Variants in DPYSL3 observed in about 807,000 individuals in gnomAD.
The protein encoded by DPYSL3 is dihydropyrimidinase like 3.
Under a neutral mutation model 66.1 loss-of-function variants are expected in DPYSL3, and 16 were observed. The observed-to-expected ratio is 0.24, with a 90% CI of 0.16 to 0.37. The LOEUF (loss-of-function observed/expected upper bound fraction) is 0.37. Ranked by LOEUF, DPYSL3 falls within the 10% of genes least tolerant of loss-of-function variation. The probability of loss-of-function intolerance (pLI) is 1.00; values close to 1 mark genes in which losing one functional copy is unlikely to be tolerated. For missense variants in DPYSL3, 738 were observed against 916.2 expected (o/e 0.81, Z 2.51); for synonymous variants, 338 against 345.1 (o/e 0.98, Z 0.23).
chr5:147,498,288 A>ATAG (rs1753551861), intron 1 of DPYSL3, among the ~76,000 whole-genome samples: 1 of 152,128 alleles, frequency 6.6e-6, no homozygotes, highest in African/African-American at 2.4e-5. Context: ...TTATGGCTGC[A>ATAG]TAGTATTCCA....
chr5:147,425,923 T>A (rs1269418709), intron 1 of DPYSL3, among the ~76,000 whole-genome samples: 1 of 151,958 alleles, frequency 6.6e-6, no homozygotes, highest in African/African-American at 2.4e-5. Context: ...TCTGGCTGAG[T>A]GTAGCTACAG....
At chr5:147,396,069 C>G (rs538803712) in intron 12 of DPYSL3, among the ~76,000 whole-genome samples, 2 of 152,176 alleles carry the variant, frequency 1.3e-5, no homozygotes, top group Admixed American at 6.5e-5. Context: ...CAAGGGCAGA[C>G]AGCTGAAGTG....
At chr5:147,501,117 A>G (rs796373807) in intron 1 of DPYSL3, among the ~76,000 whole-genome samples, 61 of 152,348 alleles carry the variant, frequency 4.0e-4, no homozygotes, top group African/African-American at 1.4e-3. Context: ...CGCACATCCA[A>G]ATATTCAGCA....
chr5:147,425,635 T>G (rs1752180619), intron 1 of DPYSL3, among the ~76,000 whole-genome samples: 1 of 152,232 alleles, frequency 6.6e-6, no homozygotes. Flanking sequence ...CTGAGTGCAT[T>G]TCTTTATTGC....
intron 1 of DPYSL3, among the ~76,000 whole-genome samples, chr5:147,474,176 C>T (rs1181479164): frequency 6.6e-6 from 1 of 151,968 alleles, no homozygotes; most frequent in Non-Finnish European, 1.5e-5. Flanking sequence ...ACAATGGTGG[C>T]TAGTAAGTAC....
chr5:147,455,464 TA>T (rs1323585844), intron 1 of DPYSL3, among the ~76,000 whole-genome samples: 4 of 152,192 alleles, frequency 2.6e-5, no homozygotes, highest in African/African-American at 9.7e-5. Context: ...CAAGGGGGAA[TA>T]AAAAGACTGG....
At chr5:147,470,555 T>G (rs1215173058) in intron 1 of DPYSL3, among the ~76,000 whole-genome samples, 1 of 152,130 alleles carries the variant, frequency 6.6e-6, no homozygotes, top group Non-Finnish European at 1.5e-5. Context: ...TCTCCAATCA[T>G]TCCTCAGTAT....
At chr5:147,411,404 G>A (rs564091235) in intron 6 of DPYSL3, among the ~76,000 whole-genome samples, 1 of 152,240 alleles carries the variant, frequency 6.6e-6, no homozygotes, top group Non-Finnish European at 1.5e-5. Flanking sequence ...GGCTTGGGAG[G>A]CAAGGGATCC....
At position 147,412,706 on chromosome 5, in the gene DPYSL3, CT is replaced by C; in HGVS notation, c.883-19del. ...TCATAGAGCTGAAATAGAAATGAGT[CT>C]TTGTCACTCTTGCAAGCACTTTTAG... On this transcript the variant is annotated intron_variant, in intron 5 of 13. Transcript: ENST00000343218. The C allele has an allele frequency of 6.2e-7, 1 of 1,600,870 alleles. No individual in the cohort carries two copies. Among genetic ancestry groups the C allele is most frequent in the Non-Finnish European group, 8.5e-7 (1 of 1,172,156 alleles).
At chr5:147,433,491 T>C (rs1752353577) in intron 1 of DPYSL3, among the ~76,000 whole-genome samples, 1 of 152,138 alleles carries the variant, frequency 6.6e-6, no homozygotes, top group African/African-American at 2.4e-5. Flanking sequence ...TTTTTGAAGC[T>C]ACCCCCAGAA....
rs114527511 is a variant in DPYSL3 at position 147,460,854 on chromosome 5, C to T, written c.382-35891G>A. ...TTCATCAGTAGGAAGGACCCTGCAA[C>T]GCCATGCCTAAGGTACAAGGTAATC... On this transcript the variant is annotated intron_variant, in intron 1 of 13. Transcript: ENST00000343218. Among the ~76,000 whole-genome samples the T allele has an allele frequency of 1.9e-3, 284 of 152,274 alleles. 2 individuals carry two copies. Among genetic ancestry groups the T allele is most frequent in the African/African-American group, 6.6e-3 (275 of 41,556 alleles).
chr5:147,481,232 T>C (rs1753238538), intron 1 of DPYSL3, among the ~76,000 whole-genome samples: 2 of 152,200 alleles, frequency 1.3e-5, no homozygotes, highest in South Asian at 4.1e-4. Flanking sequence ...GAAACTGTTT[T>C]TGTTATCTAT....
At chr5:147,408,232 C>G (rs985105646) in intron 7 of DPYSL3, among the ~76,000 whole-genome samples, 2 of 152,154 alleles carry the variant, frequency 1.3e-5, no homozygotes, top group Non-Finnish European at 2.9e-5. Flanking sequence ...ATGGAACCAG[C>G]CTCTAGTCAC....
chr5:147,506,110 G>A (rs1262540455), intron 1 of DPYSL3, among the ~76,000 whole-genome samples: 1 of 152,180 alleles, frequency 6.6e-6, no homozygotes, highest in Non-Finnish European at 1.5e-5. Flanking sequence ...GTGTTCAAAA[G>A]GTGATACTAT....
At chr5:147,487,429 T>C (rs538407541) in intron 1 of DPYSL3, among the ~76,000 whole-genome samples, 4 of 152,314 alleles carry the variant, frequency 2.6e-5, no homozygotes, top group African/African-American at 7.2e-5. Context: ...CTACCTCAAA[T>C]TTTGGAATCT....
intron 13 of DPYSL3, among the ~76,000 whole-genome samples, chr5:147,395,025 A>C (rs1286455015): frequency 6.6e-6 from 1 of 152,242 alleles, no homozygotes; most frequent in Non-Finnish European, 1.5e-5. Flanking sequence ...GAGTTCGTAA[A>C]GAATAGGTAA....
chr5:147,470,046 C>T (rs1419062297), intron 1 of DPYSL3, among the ~76,000 whole-genome samples: 2 of 152,144 alleles, frequency 1.3e-5, no homozygotes, highest in African/African-American at 4.8e-5. Context: ...AGGGGTGACC[C>T]ACATGCAATG....
intron 1 of DPYSL3, among the ~76,000 whole-genome samples, chr5:147,502,250 G>A (rs1306273218): frequency 2.0e-5 from 3 of 152,026 alleles, no homozygotes; most frequent in Non-Finnish European, 2.9e-5. Flanking sequence ...TTACCTTGGG[G>A]CTTAGGATTT....
At chr5:147,398,684 C>T (rs72833326) in intron 11 of DPYSL3, among the ~76,000 whole-genome samples, 18,391 of 152,200 alleles carry the variant, frequency 0.12, 1,304 homozygotes, top group Non-Finnish European at 0.15. Flanking sequence ...GATCATTGCA[C>T]GCCCTGACTT....
Sources: allele counts gnomAD v4.1 joint callset (sites outside exome capture counted in the v4.1 genomes callset), GRCh38; gene constraint gnomAD v4.1.1; transcripts MANE v1.5; gene names NCBI Gene and HGNC (gene_info 2026-07-23, HGNC 2026-07-21).